MMADHC: variants seen among roughly 807,000 people sequenced by gnomAD.
MMADHC encodes the protein metabolism of cobalamin associated D.
Under a neutral mutation model 36.3 loss-of-function variants are expected in MMADHC, and 23 were observed. The ratio of observed to expected loss-of-function variants is 0.63; its 90% confidence interval spans 0.46 to 0.90. The LOEUF is 0.90. Among genes scored for constraint, MMADHC ranks in the 40% least tolerant of loss-of-function variants. MMADHC has a pLI of 0.00. For synonymous variants in MMADHC, 97 were observed against 116.1 expected (o/e 0.84, Z 1.06); for missense variants, 330 against 348.0 (o/e 0.95, Z 0.41).
At chr2:149,582,797 C>G (rs1682813259) in intron 2 of MMADHC, among the ~76,000 whole-genome samples, 1 of 152,018 alleles carries the variant, frequency 6.6e-6, no homozygotes, top group Non-Finnish European at 1.5e-5. Flanking sequence ...TTTTTTTCTG[C>G]TTATATGTTC....
In MMADHC at chr2:149,569,797, GAATA is replaced by G; in HGVS notation, c.*173_*176del. 1 of 618,684 alleles carries G rather than the reference GAATA, an allele frequency of 1.6e-6. No homozygotes were observed. The highest frequency in any genetic ancestry group is 2.0e-5 in the South Asian group (1 of 49,672). 38.3% of individuals were successfully genotyped at this position (618,684 alleles called of 1,614,324 possible). A position where few individuals can be genotyped will look rare whatever the true frequency, so the allele number is the denominator to read the frequency against. ...GTGTTCAACGTGTATTCAATGATATGAATAAATGAACATTTGCAATTTTAAAATC... is the reference window on the plus strand; with the variant it reads ...GTGTTCAACGTGTATTCAATGATATGAATGAACATTTGCAATTTTAAAATC... On this transcript the variant is annotated 3_prime_UTR_variant, in exon 8 of 8. Transcript: ENST00000303319.
intron 2 of MMADHC, among the ~76,000 whole-genome samples, chr2:149,586,534 TA>T (rs1184935656): frequency 6.6e-6 from 1 of 152,032 alleles, no homozygotes; most frequent in East Asian, 1.9e-4. Flanking sequence ...GTGTAGGTTC[TA>T]AAAAAAATTA....
intron 2 of MMADHC, chr2:149,586,760 C>A: frequency 3.1e-6 from 1 of 321,802 alleles, no homozygotes; most frequent in Non-Finnish European, 5.7e-6. Flanking sequence ...TAAAAAAACC[C>A]TTCAGTTTAG....
chr2:149,581,169 G>GC (rs2105049326), intron 3 of MMADHC, among the ~76,000 whole-genome samples: 1 of 152,152 alleles, frequency 6.6e-6, no homozygotes, highest in African/African-American at 2.4e-5. Context: ...TCTGTGAAAG[G>GC]CCTATTCATG....
At chr2:149,570,282 ATAAG>A (rs1324886551) in intron 7 of MMADHC, 114 bp from the exon 8 acceptor site, 1 of 927,354 alleles carries the variant, frequency 1.1e-6, no homozygotes, top group East Asian at 2.6e-5. Flanking sequence ...AAAAAACTAA[ATAAG>A]TAAAAAGTCA....
At chr2:149,584,044 T>C (rs2105051129) in intron 2 of MMADHC, among the ~76,000 whole-genome samples, 1 of 152,318 alleles carries the variant, frequency 6.6e-6, no homozygotes. Flanking sequence ...GCTGCCTCTC[T>C]TGGGGTCTGT....
At chr2:149,583,018 T>C (rs1005297215) in intron 2 of MMADHC, among the ~76,000 whole-genome samples, 4 of 152,220 alleles carry the variant, frequency 2.6e-5, no homozygotes, top group Non-Finnish European at 4.4e-5. Context: ...CTAATTTATG[T>C]ACTGCCTATG....
chr2:149,584,899 C>T (rs1054542447), intron 2 of MMADHC, among the ~76,000 whole-genome samples: 5 of 151,798 alleles, frequency 3.3e-5, no homozygotes, highest in African/African-American at 4.8e-5. Context: ...GCCAATTAGC[C>T]GGGCATCGTG....
intron 2 of MMADHC, among the ~76,000 whole-genome samples, chr2:149,585,230 G>A (rs1366526743): frequency 6.6e-6 from 1 of 152,038 alleles, no homozygotes; most frequent in East Asian, 1.9e-4. Context: ...TTGAGGAAAA[G>A]CATTTATTTT....
At chr2:149,578,454 A>G (rs1403252582) in intron 4 of MMADHC, among the ~76,000 whole-genome samples, 1 of 152,208 alleles carries the variant, frequency 6.6e-6, no homozygotes, top group Non-Finnish European at 1.5e-5. Flanking sequence ...CTTGTGAGAC[A>G]TCCAAACAAA....
intron 1 of MMADHC, chr2:149,587,415 G>A (rs993301723): frequency 2.1e-6 from 1 of 472,988 alleles, no homozygotes; most frequent in Middle Eastern, 5.7e-4. Flanking sequence ...ATGGGGGCTG[G>A]GTGGCCAAAA....
intron 6 of MMADHC, among the ~76,000 whole-genome samples, chr2:149,572,031 G>GTT (rs959239811): frequency 6.6e-6 from 1 of 151,960 alleles, no homozygotes; most frequent in African/African-American, 2.4e-5. Context: ...ACTCTTCTCT[G>GTT]TTTTTTGTAT....
At chr2:149,575,977 A>G (rs1682711347) in intron 5 of MMADHC, 136 bp from the exon 6 acceptor site, 6 of 689,762 alleles carry the variant, frequency 8.7e-6, no homozygotes, top group Non-Finnish European at 1.4e-5. Flanking sequence ...AATTTTTATA[A>G]ATGTATGTTA....
intron 6 of MMADHC, among the ~76,000 whole-genome samples, chr2:149,572,004 C>G (rs1682647733): frequency 6.6e-6 from 1 of 152,032 alleles, no homozygotes; most frequent in Admixed American, 6.6e-5. Context: ...AAACAAGGTA[C>G]TTGCTTTTCA....
At chr2:149,579,772 C>T in intron 3 of MMADHC, 124 bp from the exon 4 acceptor site, 1 of 862,558 alleles carries the variant, frequency 1.2e-6, no homozygotes, top group South Asian at 1.7e-5. Context: ...TCTGCTTTCC[C>T]ATGTGAATAT....
intron 2 of MMADHC, chr2:149,586,883 T>C: frequency 1.7e-6 from 1 of 593,400 alleles, no homozygotes; most frequent in Non-Finnish European, 3.0e-6. Flanking sequence ...CAAATGAAAT[T>C]GTATAAATAA....
At position 149,570,009 on chromosome 2, in the gene MMADHC, C is replaced by CTGG. The variant is rs1553453421; in HGVS notation, c.853_855dup (p.Pro285dup). On this transcript the variant is annotated inframe_insertion, in exon 8 of 8. Transcript: ENST00000303319. ...CTTAATTTCTTCATAATATGGCTGTCTGGTGTTGCATTAGTGAAGATACTC... is the reference window on the plus strand; with the variant it reads ...CTTAATTTCTTCATAATATGGCTGTCTGGTGGTGTTGCATTAGTGAAGATACTC... 1.2e-6 allele frequency: 2 copies of CTGG among 1,613,632 alleles called. No individual in the cohort carries two copies. Among genetic ancestry groups the CTGG allele is most frequent in the Non-Finnish European group, 1.7e-6 (2 of 1,179,680 alleles).
intron 2 of MMADHC, among the ~76,000 whole-genome samples, chr2:149,585,009 T>A (rs1005880608): frequency 7.1e-6 from 1 of 140,016 alleles, no homozygotes; most frequent in Non-Finnish European, 1.5e-5. Context: ...GCCATTGCAC[T>A]CCGGCCTGGG....
chr2:149,579,773 A>C (rs1682770498), intron 3 of MMADHC, 125 bp from the exon 4 acceptor site: 1 of 854,336 alleles, frequency 1.2e-6, no homozygotes, highest in African/African-American at 1.7e-5. Context: ...CTGCTTTCCC[A>C]TGTGAATATA....
Sources: allele counts gnomAD v4.1 joint callset (sites outside exome capture counted in the v4.1 genomes callset), GRCh38; gene constraint gnomAD v4.1.1; transcripts MANE v1.5; gene names NCBI Gene and HGNC (gene_info 2026-07-23, HGNC 2026-07-21).